Variants in CSMD1 observed in about 807,000 individuals in gnomAD.
CSMD1 encodes the protein CUB and sushi domain-containing protein 1.
CSMD1 carries 213 observed loss-of-function variants against 417.5 expected under a neutral mutation model. The ratio of observed to expected loss-of-function variants is 0.51; its 90% CI spans 0.46 to 0.57. The LOEUF (loss-of-function observed/expected upper bound fraction) is 0.57. Ranked by LOEUF, CSMD1 falls within the 20% of genes least tolerant of loss-of-function variation. The pLI, the probability that CSMD1 is intolerant of heterozygous loss-of-function variation, is 0.00. For missense variants in CSMD1, 6,923 were observed against 4,529.7 expected (o/e 1.53, Z -15.17); for synonymous variants, 2,862 against 1,736.8 (o/e 1.65, Z -16.11).
intron 3 of CSMD1, among the ~76,000 whole-genome samples, chr8:4,377,341 C>T (rs1802817946): frequency 6.6e-6 from 1 of 152,126 alleles, no homozygotes; most frequent in Admixed American, 6.6e-5. Context: ...AGGCTTAGAG[C>T]TTACTAATTT....
chr8:3,635,810 A>G (rs1797014917), intron 7 of CSMD1, among the ~76,000 whole-genome samples: 2 of 149,670 alleles, frequency 1.3e-5, no homozygotes, highest in Non-Finnish European at 3.0e-5. Context: ...AAAAAAAAAA[A>G]AAAAAGAAAG....
chr8:3,954,584 G>A (rs1319649402), intron 5 of CSMD1, among the ~76,000 whole-genome samples: 3 of 152,204 alleles, frequency 2.0e-5, no homozygotes, highest in Admixed American at 6.5e-5. Context: ...GCTCAGGCTG[G>A]AACGCCTGAC....
chr8:4,904,114 G>A lies in CSMD1; in HGVS notation c.85+90218C>T, dbSNP rs567010171. 8.5e-5 allele frequency among the ~76,000 whole-genome samples: 13 copies of A among 152,244 alleles called. No homozygotes were observed. In the South Asian group the frequency reaches 2.3e-3, roughly 27 times the overall value. On this transcript the variant is annotated intron_variant, in intron 1 of 69. Coordinates refer to ENST00000635120, the MANE Select transcript of CSMD1 (RefSeq NM_033225.6). ...GGATAGGATAGGCTCGAATTCCAATGTATGTTAGAATCATTTCTGGAGTCA... is the reference window on the plus strand; with the variant it reads ...GGATAGGATAGGCTCGAATTCCAATATATGTTAGAATCATTTCTGGAGTCA...
chr8:4,780,799 T>C (rs1025648714), intron 1 of CSMD1, among the ~76,000 whole-genome samples: 4 of 152,176 alleles, frequency 2.6e-5, no homozygotes, highest in Non-Finnish European at 5.9e-5. Flanking sequence ...AGCTCCCCCG[T>C]CTCAGTGAGA....
At chr8:4,208,481 C>T (rs767805623) in intron 3 of CSMD1, among the ~76,000 whole-genome samples, 2 of 152,266 alleles carry the variant, frequency 1.3e-5, no homozygotes, top group East Asian at 1.9e-4. Context: ...TGTTTCTATT[C>T]ATCTGCGTTC....
At chr8:3,752,343 G>T (rs548301887) in intron 6 of CSMD1, among the ~76,000 whole-genome samples, 5 of 152,110 alleles carry the variant, frequency 3.3e-5, no homozygotes, top group Non-Finnish European at 5.9e-5. Flanking sequence ...GATGGACAAT[G>T]TTCCTGATGA....
intron 26 of CSMD1, among the ~76,000 whole-genome samples, chr8:3,268,028 T>C (rs957867835): frequency 1.2e-4 from 19 of 152,014 alleles, no homozygotes; most frequent in Non-Finnish European, 2.4e-4. Context: ...CCCTTCCTGG[T>C]AGTTTTATGA....
At chr8:3,127,807 C>G (rs1817585576) in intron 41 of CSMD1, 1 of 147,468 alleles carries the variant, frequency 6.8e-6, no homozygotes, top group African/African-American at 2.5e-5. Flanking sequence ...CAGCAATATG[C>G]TTTATAACAC....
chr8:3,909,803 T>C (rs1480144661), intron 5 of CSMD1, among the ~76,000 whole-genome samples: 2 of 152,154 alleles, frequency 1.3e-5, no homozygotes, highest in Non-Finnish European at 2.9e-5. Flanking sequence ...ATAATTCTCA[T>C]CACAATTTTG....
chr8:3,963,479 A>G (rs1416043757), intron 5 of CSMD1, among the ~76,000 whole-genome samples: 2 of 152,204 alleles, frequency 1.3e-5, no homozygotes, highest in African/African-American at 4.8e-5. Flanking sequence ...ATAACTGAAC[A>G]TTATGCAATA....
At chr8:4,549,239 C>T (rs1288912428) in intron 2 of CSMD1, among the ~76,000 whole-genome samples, 1 of 152,136 alleles carries the variant, frequency 6.6e-6, no homozygotes, top group Non-Finnish European at 1.5e-5. Context: ...TCAACCCTAC[C>T]ATATTCCAGA....
intron 1 of CSMD1, among the ~76,000 whole-genome samples, chr8:4,846,979 C>T (rs1801182259): frequency 6.6e-6 from 1 of 151,636 alleles, no homozygotes. Flanking sequence ...TTTCAAGATC[C>T]CTTACATCAT....
chr8:3,186,335 G>T (rs1001386525), intron 36 of CSMD1, among the ~76,000 whole-genome samples: 28 of 152,286 alleles, frequency 1.8e-4, no homozygotes, highest in African/African-American at 5.8e-4. Context: ...GTGGAGATGG[G>T]CCTTGAGTTC....
At chr8:3,851,737 C>G (rs898545360) in intron 5 of CSMD1, among the ~76,000 whole-genome samples, 4 of 152,132 alleles carry the variant, frequency 2.6e-5, no homozygotes, top group East Asian at 1.9e-4. Context: ...AGAGAGAGAA[C>G]AAGAAGGTGA....
chr8:3,693,530 A>G (rs192152228), intron 7 of CSMD1, among the ~76,000 whole-genome samples: 38 of 152,308 alleles, frequency 2.5e-4, no homozygotes, highest in African/African-American at 8.7e-4. Flanking sequence ...TCCATTATAC[A>G]TATCGTTACT....
chr8:3,551,101 G>C (rs1316064171), intron 10 of CSMD1, among the ~76,000 whole-genome samples: 1 of 152,126 alleles, frequency 6.6e-6, no homozygotes, highest in Non-Finnish European at 1.5e-5. Context: ...GCAGTTAAGA[G>C]AGTAGACTTG....
At chr8:3,239,779 C>T (rs2081278) in intron 26 of CSMD1, among the ~76,000 whole-genome samples, 119,267 of 151,950 alleles carry the variant, frequency 0.78, 49,069 homozygotes, top group Non-Finnish European at 0.92. Flanking sequence ...GTGATGAGGG[C>T]GAGGAACAGG....
At chr8:4,303,584 G>A (rs1445297661) in intron 3 of CSMD1, among the ~76,000 whole-genome samples, 1 of 151,978 alleles carries the variant, frequency 6.6e-6, no homozygotes, top group Non-Finnish European at 1.5e-5. Flanking sequence ...TGGTGACTGT[G>A]TGGCACCTTC....
chr8:4,000,148 G>C (rs533961788), intron 4 of CSMD1, among the ~76,000 whole-genome samples: 14 of 152,046 alleles, frequency 9.2e-5, no homozygotes, highest in African/African-American at 2.4e-4. Context: ...ACACTTCCCT[G>C]GTCAACTGAG....
Sources: allele counts gnomAD v4.1 joint callset (sites outside exome capture counted in the v4.1 genomes callset), GRCh38; gene constraint gnomAD v4.1.1; transcripts MANE v1.5; gene names NCBI Gene and HGNC (gene_info 2026-07-23, HGNC 2026-07-21).